ALX1: variants seen among roughly 807,000 people sequenced by gnomAD.
ALX1 encodes ALX homeobox protein 1.
Under a neutral mutation model 31.7 loss-of-function variants are expected in ALX1, and 19 were observed. That is an observed-to-expected ratio of 0.60 (90% CI 0.42 to 0.88). The LOEUF is 0.88. Among genes scored for constraint, ALX1 ranks in the 40% least tolerant of loss-of-function variants. ALX1 has a pLI of 0.00. For missense variants in ALX1, 415 were observed against 407.8 expected, an observed-to-expected ratio of 1.02 and a Z score of -0.15; for synonymous variants, 153 against 148.8, an observed-to-expected ratio of 1.03 and a Z score of -0.20.
intron 3 of ALX1, among the ~76,000 whole-genome samples, chr12:85,300,921 T>C (rs1258305008): frequency 6.6e-6 from 1 of 152,106 alleles, no homozygotes; most frequent in African/African-American, 2.4e-5. Context: ...ATAGACATGT[T>C]TGAGAGTACG....
chr12:85,280,237 A>T lies in ALX1; in HGVS notation c.-25A>T. On this transcript the variant is annotated 5_prime_UTR_variant, in exon 1 of 4. Coordinates refer to ENST00000316824, the MANE Select transcript of ALX1 (RefSeq NM_006982.3). The stretch of plus-strand genomic sequence containing the variant: ...CGCTCTCCAGTTTCTGTGCCCCAGG[A>T]GCTACGCGACAGTCTTCCAGGATTA... 1 of 1,576,770 alleles carries T rather than the reference A, an allele frequency of 6.3e-7. No homozygotes were observed. Among genetic ancestry groups the T allele is most frequent in the Non-Finnish European group, 8.6e-7 (1 of 1,156,678 alleles).
intron 1 of ALX1, among the ~76,000 whole-genome samples, chr12:85,283,297 T>C (rs1415351024): frequency 1.3e-5 from 2 of 152,164 alleles, no homozygotes; most frequent in African/African-American, 4.8e-5. Flanking sequence ...AGTACATGAA[T>C]TTAAGTAAAA....
intron 3 of ALX1, among the ~76,000 whole-genome samples, chr12:85,294,260 TA>T (rs922430390): frequency 6.6e-6 from 1 of 151,120 alleles, no homozygotes; most frequent in Non-Finnish European, 1.5e-5. Context: ...TTCAATAGGA[TA>T]ATTTCATCAC....
At chr12:85,281,732 G>T (rs1896676939) in intron 1 of ALX1, among the ~76,000 whole-genome samples, 1 of 152,142 alleles carries the variant, frequency 6.6e-6, no homozygotes, top group Non-Finnish European at 1.5e-5. Context: ...AGATTCGAGC[G>T]TATACTTTTT....
intron 3 of ALX1, among the ~76,000 whole-genome samples, chr12:85,296,778 G>T (rs911165415): frequency 1.3e-5 from 2 of 151,254 alleles, no homozygotes; most frequent in Admixed American, 1.3e-4. Flanking sequence ...GGAATTATTT[G>T]TTTCTGGTTG....
intron 3 of ALX1, among the ~76,000 whole-genome samples, chr12:85,294,484 ATAAATCT>A (rs1896860229): frequency 6.6e-6 from 1 of 151,174 alleles, no homozygotes; most frequent in Non-Finnish European, 1.5e-5. Flanking sequence ...GAGAGTTTCT[ATAAATCT>A]TCTTTTTAAA....
chr12:85,293,866 T>A (rs1896850789), intron 3 of ALX1, among the ~76,000 whole-genome samples: 1 of 151,226 alleles, frequency 6.6e-6, no homozygotes, highest in South Asian at 2.1e-4. Flanking sequence ...GTGAACCTTA[T>A]GATATACTTT....
chr12:85,298,092 G>A (rs1896912469), intron 3 of ALX1, among the ~76,000 whole-genome samples: 1 of 151,610 alleles, frequency 6.6e-6, no homozygotes, highest in Admixed American at 6.6e-5. Context: ...CTTTCAGAGA[G>A]TAGAGACTAT....
intron 1 of ALX1, among the ~76,000 whole-genome samples, chr12:85,280,723 T>TGC (rs1327401945): frequency 1.3e-5 from 2 of 152,140 alleles, no homozygotes; most frequent in African/African-American, 4.8e-5. Context: ...TCTGAGCGAT[T>TGC]CTCCTTTCGC....
rs763849212 is a variant in ALX1 at position 85,280,276 on chromosome 12, C to A, written c.15C>A (p.Ser5Arg). ...CTTCCAGGATTATGGAGTTTCTGAG[C>A]GAGAAGTTTGCCCTCAAGAGCCCTC... MEFL[S>R]EKFALKSPPS... Residue 5 changes from serine (S) to arginine (R), a missense_variant, in exon 1 of 4, where the codon AGC becomes AGA. Physicochemically the swap from Ser to Arg is moderately radical, Grantham distance 110. Transcript: ENST00000316824. The A allele has an allele frequency of 9.9e-6, 16 of 1,613,216 alleles. No homozygotes were observed. Among genetic ancestry groups the A allele is most frequent in the South Asian group, 9.9e-5 (9 of 91,084 alleles).
chr12:85,292,070 TTAATAAGTAGTAGGA>T (rs1260237321), intron 3 of ALX1, among the ~76,000 whole-genome samples: 1 of 151,126 alleles, frequency 6.6e-6, no homozygotes, highest in Non-Finnish European at 1.5e-5. Flanking sequence ...AAAACAGAAC[TTAATAAGTAGTAGGA>T]ATTCTATCAT....
chr12:85,298,038 C>T (rs1896912063), intron 3 of ALX1, among the ~76,000 whole-genome samples: 1 of 151,654 alleles, frequency 6.6e-6, no homozygotes, highest in Non-Finnish European at 1.5e-5. Flanking sequence ...CCACATTAGA[C>T]CTGAGGATGA....
chr12:85,284,976 A>G (rs1397784835), intron 2 of ALX1, among the ~76,000 whole-genome samples: 1 of 152,014 alleles, frequency 6.6e-6, no homozygotes, highest in Admixed American at 6.6e-5. Flanking sequence ...CAAGCAGCAG[A>G]TTTTTACTTG....
Position 85,287,081 on chromosome 12 carries a change from CAAGAATG to C in ALX1, c.660+103_660+109del, listed in dbSNP as rs1896758649. 16 of 1,339,898 alleles carry C rather than the reference CAAGAATG, an allele frequency of 1.2e-5. No individual in the cohort carries two copies. In the South Asian group the frequency reaches 2.2e-4, roughly 18 times the overall value. The allele number at this position is 1,339,898 out of a possible 1,614,324, so 83.0% of individuals were successfully genotyped here. On this transcript the variant is annotated intron_variant, in intron 3 of 3. Transcript: ENST00000316824. ...GCTTTATTATATGTAAGATAATAGC[CAAGAATG>C]AAAATCTAAGCTTCAGAAAACATTC...
chr12:85,286,596 G>A (rs192649053), intron 2 of ALX1, among the ~76,000 whole-genome samples: 2 of 151,956 alleles, frequency 1.3e-5, no homozygotes, highest in East Asian at 3.9e-4. Context: ...AGAAAACAGA[G>A]GCTCAGACGT....
intron 1 of ALX1, 128 bp downstream of exon 1, chr12:85,280,615 G>C: frequency 1.0e-6 from 1 of 1,001,708 alleles, no homozygotes; most frequent in Non-Finnish European, 1.5e-6. Context: ...GGTGGAGGAA[G>C]GTAGTGGAAG....
Sources: allele counts gnomAD v4.1 joint callset (sites outside exome capture counted in the v4.1 genomes callset), GRCh38; gene constraint gnomAD v4.1.1; transcripts MANE v1.5; gene names NCBI Gene and HGNC (gene_info 2026-07-23, HGNC 2026-07-21).